INPP4B: variants seen among roughly 807,000 people sequenced by gnomAD.
INPP4B encodes inositol polyphosphate 4-phosphatase type II.
Under a neutral mutation model 122.5 loss-of-function variants are expected in INPP4B, and 55 were observed. The ratio of observed to expected loss-of-function variants is 0.45; its 90% confidence interval spans 0.36 to 0.56. The LOEUF is 0.56. INPP4B is among the 20% of genes least tolerant of loss of function. The pLI is 0.00. For synonymous variants in INPP4B, 403 were observed against 388.7 expected, an observed-to-expected ratio of 1.04 and a Z score of -0.43; for missense variants, 1,000 against 1,097.7, an observed-to-expected ratio of 0.91 and a Z score of 1.26.
chr4:142,152,247 T>A (rs1814553159), intron 17 of INPP4B, among the ~76,000 whole-genome samples: 1 of 151,582 alleles, frequency 6.6e-6, no homozygotes, highest in Admixed American at 6.6e-5. Flanking sequence ...GCTAATTTTT[T>A]TGTATTTTTA....
At chr4:142,569,325 C>T (rs1334319317) in intron 2 of INPP4B, among the ~76,000 whole-genome samples, 1 of 150,230 alleles carries the variant, frequency 6.7e-6, no homozygotes, top group African/African-American at 2.4e-5. Context: ...ACAACATATT[C>T]CTCTCTATGT....
At chr4:142,081,429 C>T (rs760450447) in intron 25 of INPP4B, among the ~76,000 whole-genome samples, 7 of 152,134 alleles carry the variant, frequency 4.6e-5, no homozygotes, top group South Asian at 2.1e-4. Flanking sequence ...AACATGACTT[C>T]GGGCACAGCA....
At chr4:142,088,813 C>T (rs3775627) in intron 23 of INPP4B, among the ~76,000 whole-genome samples, 38,314 of 152,020 alleles carry the variant, frequency 0.25, 4,894 homozygotes, top group East Asian at 0.3. Context: ...TAAATTCTTA[C>T]GATATAAAGA....
chr4:142,535,784 C>T (rs12504418), intron 2 of INPP4B, among the ~76,000 whole-genome samples: 123,933 of 152,036 alleles, frequency 0.82, 50,940 homozygotes, highest in Middle Eastern at 0.9. Flanking sequence ...CCATACTCTT[C>T]TCCATAGAAA....
intron 7 of INPP4B, among the ~76,000 whole-genome samples, chr4:142,355,805 T>C (rs911908010): frequency 6.6e-6 from 1 of 151,890 alleles, no homozygotes; most frequent in African/African-American, 2.4e-5. Flanking sequence ...GAGCATGAGA[T>C]GAACGAAGTC....
intron 2 of INPP4B, among the ~76,000 whole-genome samples, chr4:142,542,241 C>A (rs1189190715): frequency 6.6e-6 from 1 of 152,090 alleles, no homozygotes; most frequent in Non-Finnish European, 1.5e-5. Flanking sequence ...AAATATTATT[C>A]TTATATTTCT....
intron 9 of INPP4B, among the ~76,000 whole-genome samples, chr4:142,277,180 C>CTT (rs961485419): frequency 7.1e-6 from 1 of 139,908 alleles, no homozygotes; most frequent in Non-Finnish European, 1.6e-5. Context: ...TGGGATTGTT[C>CTT]TTTTTTTTTT....
At chr4:142,228,243 G>GA (rs1403584012) in intron 12 of INPP4B, among the ~76,000 whole-genome samples, 2 of 151,632 alleles carry the variant, frequency 1.3e-5, no homozygotes, top group Admixed American at 6.6e-5. Flanking sequence ...CAGATAAAAA[G>GA]AAAAAATTAA....
intron 2 of INPP4B, among the ~76,000 whole-genome samples, chr4:142,725,258 A>T (rs1160387917): frequency 1.3e-5 from 2 of 152,176 alleles, no homozygotes; most frequent in East Asian, 3.8e-4. Flanking sequence ...GCAACTAAAT[A>T]TGCATCTGTT....
intron 2 of INPP4B, among the ~76,000 whole-genome samples, chr4:142,704,407 AC>A (rs1181053500): frequency 6.6e-6 from 1 of 152,188 alleles, no homozygotes. Flanking sequence ...TGGTAAAACT[AC>A]CCCTTGAGAC....
chr4:142,375,325 A>G (rs1214607647), intron 7 of INPP4B, among the ~76,000 whole-genome samples: 1 of 150,872 alleles, frequency 6.6e-6, no homozygotes, highest in East Asian at 1.9e-4. Context: ...CTGAAAGCTG[A>G]TCTTTTCATT....
chr4:142,762,474 C>T (rs909930180), intron 1 of INPP4B, among the ~76,000 whole-genome samples: 2 of 152,096 alleles, frequency 1.3e-5, no homozygotes, highest in African/African-American at 2.4e-5. Flanking sequence ...AAATAGCTGT[C>T]CTGAGTGACA....
intron 2 of INPP4B, among the ~76,000 whole-genome samples, chr4:142,530,553 A>G (rs1177007814): frequency 5.7e-3 from 5 of 880 alleles, no homozygotes; most frequent in African/African-American, 0.012. Context: ...GTGTGTGCAT[A>G]TATATATATA....
chr4:142,545,758 T>TATGTGTGTATATATATACACAC (rs1829528992), intron 2 of INPP4B, among the ~76,000 whole-genome samples: 1 of 86,888 alleles, frequency 1.2e-5, no homozygotes, highest in African/African-American at 3.3e-5. Context: ...TATATACACA[T>TATGTGTGTATATATATACACAC]GTATATGTGT....
chr4:142,710,105 C>T (rs1762929455), intron 2 of INPP4B, among the ~76,000 whole-genome samples: 1 of 152,200 alleles, frequency 6.6e-6, no homozygotes. Flanking sequence ...ATTCCTTCTG[C>T]TCTAGGCCAT....
At chr4:142,437,290 G>T (rs1810739582) in intron 3 of INPP4B, among the ~76,000 whole-genome samples, 1 of 152,060 alleles carries the variant, frequency 6.6e-6, no homozygotes. Context: ...ACTAAGTAAA[G>T]AGACTGAACC....
At chr4:142,168,093 T>TTTATTTC (rs976637007) in intron 16 of INPP4B, among the ~76,000 whole-genome samples, 4 of 151,572 alleles carry the variant, frequency 2.6e-5, no homozygotes, top group Non-Finnish European at 4.4e-5. Context: ...CTTTTTTTCT[T>TTTATTTC]TTATTTCTTG....
intron 2 of INPP4B, among the ~76,000 whole-genome samples, chr4:142,576,774 T>C (rs1037849263): frequency 6.6e-6 from 1 of 152,036 alleles, no homozygotes; most frequent in African/African-American, 2.4e-5. Context: ...ATCTAGAATG[T>C]TCAAATACAA....
At chr4:142,295,522 T>C (rs578061619) in intron 9 of INPP4B, among the ~76,000 whole-genome samples, 2 of 152,360 alleles carry the variant, frequency 1.3e-5, no homozygotes, top group African/African-American at 4.8e-5. Flanking sequence ...ATTTTTGTTG[T>C]TCTTCTAAAT....
Sources: allele counts gnomAD v4.1 joint callset (sites outside exome capture counted in the v4.1 genomes callset), GRCh38; gene constraint gnomAD v4.1.1; transcripts MANE v1.5; gene names NCBI Gene and HGNC (gene_info 2026-07-23, HGNC 2026-07-21).